Variants in ST18 observed in about 807,000 individuals in gnomAD.
The protein encoded by ST18 is ST18 C2H2C-type zinc finger transcription factor.
Under a neutral mutation model 110.0 loss-of-function variants are expected in ST18, and 50 were observed. The observed-to-expected ratio is 0.45, with a 90% CI of 0.36 to 0.58. ST18 has a LOEUF of 0.58. ST18 is among the 20% of genes least tolerant of loss of function. The pLI, the probability that ST18 is intolerant of heterozygous loss-of-function variation, is 0.00. For missense variants in ST18, 1,306 were observed against 1,280.1 expected, an observed-to-expected ratio of 1.02 and a Z score of -0.31; for synonymous variants, 461 against 452.4, an observed-to-expected ratio of 1.02 and a Z score of -0.24.
At chr8:52,408,394 A>T (rs538306627) in intron 2 of ST18, among the ~76,000 whole-genome samples, 9 of 152,346 alleles carry the variant, frequency 5.9e-5, no homozygotes, top group Admixed American at 1.3e-4. Context: ...GCTCTTCCTG[A>T]CTGGAACACC....
At chr8:52,316,400 C>T (rs2096026808) in intron 2 of ST18, among the ~76,000 whole-genome samples, 1 of 152,216 alleles carries the variant, frequency 6.6e-6, no homozygotes, top group Non-Finnish European at 1.5e-5. Flanking sequence ...TGTACAGACC[C>T]TCATCTACCT....
chr8:52,179,629 A>G (rs1194256700), intron 9 of ST18, among the ~76,000 whole-genome samples: 1 of 152,176 alleles, frequency 6.6e-6, no homozygotes, highest in African/African-American at 2.4e-5. Flanking sequence ...TATATTTTGG[A>G]GTAGAAACCA....
intron 5 of ST18, among the ~76,000 whole-genome samples, chr8:52,219,136 T>A (rs1373395285): frequency 6.6e-6 from 1 of 152,158 alleles, no homozygotes; most frequent in Non-Finnish European, 1.5e-5. Context: ...TGGCATCATT[T>A]TGTTTTAAAC....
At chr8:52,264,237 G>A (rs971467406) in intron 2 of ST18, among the ~76,000 whole-genome samples, 16 of 152,150 alleles carry the variant, frequency 1.1e-4, no homozygotes, top group African/African-American at 3.9e-4. Context: ...TGAACATTAA[G>A]TAATAAGATT....
In ST18 at chr8:52,212,135, A is replaced by T. The variant is rs1276340582; in HGVS notation, c.56-26T>A. On this transcript the variant is annotated intron_variant, in intron 7 of 25. Coordinates refer to ENST00000689386, the MANE Select transcript of ST18 (RefSeq NM_001352837.2). The stretch of plus-strand genomic sequence containing the variant: ...CTGTTGACAAAAGAAGAAAAAAAAG[A>T]AGACTTAATCAGTTGATAATTTTCA... The T allele has an allele frequency of 5.0e-6, 8 of 1,593,650 alleles. No individual in the cohort carries two copies. In the South Asian group the frequency reaches 9.2e-5, roughly 18 times the overall value.
chr8:52,176,267 C>T (rs2066924389), intron 9 of ST18, among the ~76,000 whole-genome samples: 1 of 152,174 alleles, frequency 6.6e-6, no homozygotes, highest in Admixed American at 6.5e-5. Context: ...TCGTGATCCG[C>T]CCGCCTCGGC....
intron 6 of ST18, among the ~76,000 whole-genome samples, chr8:52,215,601 G>GTTTT (rs2083884359): frequency 6.6e-6 from 1 of 152,206 alleles, no homozygotes; most frequent in Non-Finnish European, 1.5e-5. Context: ...AACAAAAAGT[G>GTTTT]TTCACTGCCT....
At chr8:52,113,487 G>A in intron 25 of ST18, 149 bp from the exon 26 acceptor site, 1 of 786,596 alleles carries the variant, frequency 1.3e-6, no homozygotes, top group Non-Finnish European at 2.1e-6. Context: ...GATGGAGAGA[G>A]ACGGAGTGTG....
intron 8 of ST18, 125 bp from the exon 9 acceptor site, chr8:52,180,437 C>A: frequency 1.0e-6 from 1 of 969,438 alleles, no homozygotes; most frequent in Non-Finnish European, 1.5e-6. Context: ...GGGTTGGTTA[C>A]TGGCACTAAC....
rs77121809 is a variant in ST18, at chr8:52,277,871, T to C, written c.-464-47794A>G. Reference sequence around the variant, plus strand: ...CCATTCTATCTCATAATCTTTTATTTTCTGTGTTATCAGAACAACCACACA... The same window carrying C: ...CCATTCTATCTCATAATCTTTTATTCTCTGTGTTATCAGAACAACCACACA... On this transcript the variant is annotated intron_variant, in intron 2 of 25. Transcript: ENST00000689386. Among the ~76,000 whole-genome samples, 1,947 of 152,300 alleles carry C rather than the reference T, an allele frequency of 0.013. 87 individuals carry two copies. The East Asian group carries it at 0.14, about 11-fold the overall frequency.
At chr8:52,261,285 T>C (rs1348788160) in intron 2 of ST18, among the ~76,000 whole-genome samples, 1 of 152,162 alleles carries the variant, frequency 6.6e-6, no homozygotes, top group African/African-American at 2.4e-5. Context: ...TTGGCCCTAA[T>C]CCCAGGAAAT....
At chr8:52,251,609 A>G (rs1589310509) in intron 2 of ST18, among the ~76,000 whole-genome samples, 1 of 151,804 alleles carries the variant, frequency 6.6e-6, no homozygotes, top group Non-Finnish European at 1.5e-5. Flanking sequence ...AAAAGGAAAG[A>G]CAATGCAGCT....
At chr8:52,158,664 G>T (rs2133023016) in intron 15 of ST18, among the ~76,000 whole-genome samples, 1 of 152,220 alleles carries the variant, frequency 6.6e-6, no homozygotes, top group East Asian at 1.9e-4. Flanking sequence ...CCCAAACTTT[G>T]GTACCCCAAC....
chr8:52,395,524 G>A (rs907025760), intron 2 of ST18, among the ~76,000 whole-genome samples: 18 of 152,274 alleles, frequency 1.2e-4, no homozygotes, highest in African/African-American at 4.3e-4. Flanking sequence ...CTGGATTGTG[G>A]CTTAGGTGCT....
intron 2 of ST18, among the ~76,000 whole-genome samples, chr8:52,247,631 A>T (rs1053393154): frequency 6.6e-6 from 1 of 152,202 alleles, no homozygotes; most frequent in African/African-American, 2.4e-5. Context: ...AATACATGAG[A>T]TTCAAAAATA....
chr8:52,158,873 C>A, intron 15 of ST18, 25 bp downstream of exon 15: 1 of 1,613,564 alleles, frequency 6.2e-7, no homozygotes, highest in South Asian at 1.1e-5. Flanking sequence ...GCTGGCCCAC[C>A]CTCCGGGCTC....
At chr8:52,243,545 G>T (rs1311368742) in intron 2 of ST18, among the ~76,000 whole-genome samples, 1 of 152,074 alleles carries the variant, frequency 6.6e-6, no homozygotes, top group Non-Finnish European at 1.5e-5. Context: ...GGCTCAATCT[G>T]GGTTCAAGGC....
At chr8:52,161,348 G>C (rs763548971) in intron 14 of ST18, 27 bp downstream of exon 14, 5 of 1,603,620 alleles carry the variant, frequency 3.1e-6, no homozygotes, top group Non-Finnish European at 4.3e-6. Context: ...GCATTTTGGG[G>C]AAACGGCATT....
chr8:52,329,732 G>C (rs1225566562), intron 2 of ST18, among the ~76,000 whole-genome samples: 1 of 152,104 alleles, frequency 6.6e-6, no homozygotes, highest in Non-Finnish European at 1.5e-5. Context: ...CTGCACTCCA[G>C]CCTGGGCCAC....
Sources: gnomAD v4.1 joint callset for allele counts (sites outside exome capture counted in the v4.1 genomes callset) on GRCh38, gnomAD v4.1.1 for gene constraint, MANE v1.5 for transcripts, NCBI Gene and HGNC (gene_info 2026-07-23, HGNC 2026-07-21) for gene names.